B9D2: variants seen among roughly 807,000 people sequenced by gnomAD.
B9D2 encodes the protein B9 domain containing 2, also known as B9 domain-containing protein 2.
In B9D2, 21 loss-of-function variants were observed where a neutral mutation model predicts 19.2. That is an observed-to-expected ratio of 1.09 (90% CI 0.78 to 1.58). The LOEUF is 1.58. Ranked by LOEUF, B9D2 falls within the 40% of genes most tolerant of loss-of-function variation. The pLI, the probability that B9D2 is intolerant of heterozygous loss-of-function variation, is 0.00. For synonymous variants in B9D2, 91 were observed against 100.6 expected (o/e 0.90, Z 0.57); for missense variants, 221 against 244.3 (o/e 0.90, Z 0.64).
rs1187085035 is a variant in B9D2 at position 41,354,810 on chromosome 19, TG to T, written c.417del (p.Ile140SerfsTer72). 6.2e-7 allele frequency: 1 copy of T among 1,613,934 alleles called. No homozygotes were observed. The highest frequency in any genetic ancestry group is 2.2e-5 in the East Asian group (1 of 44,896). On this transcript the variant is annotated frameshift_variant, in exon 4 of 4. Transcript: ENST00000243578. LOFTEE classifies it high-confidence loss of function. ...GGGPQLLHGD[T>X]IYSGADRYRL... ...CGATAGCGGTCGGCCCCACTGTAGA[TG>T]GTGTCCCCATGCAGCAGCTGCGGCC... is the stretch of plus-strand genomic sequence containing the variant.
At chr19:41,362,169 G>A (rs1275874095) in intron 2 of B9D2, among the ~76,000 whole-genome samples, 1 of 149,820 alleles carries the variant, frequency 6.7e-6, no homozygotes. Context: ...AGATCACAAG[G>A]TCAGGAGATC....
Position 41,354,525 on chromosome 19 carries a change from G to A in B9D2, c.*175C>T. On this transcript the variant is annotated 3_prime_UTR_variant, in exon 4 of 4. Coordinates refer to ENST00000243578, the MANE Select transcript of B9D2 (RefSeq NM_030578.4). The stretch of plus-strand genomic sequence containing the variant: ...ATTTACTGTCCCCAATTTACAGATA[G>A]GGAAACTGGGCCCAGAGGGACCCCG... 1.2e-6 allele frequency: 1 copy of A among 800,252 alleles called. No individual in the cohort carries two copies. Among genetic ancestry groups the A allele is most frequent in the Non-Finnish European group, 2.0e-6 (1 of 492,210 alleles). The allele number at this position is 800,252 out of a possible 1,614,324, so 49.6% of individuals were successfully genotyped here. A position where few individuals can be genotyped will look rare whatever the true frequency, so the allele number is the denominator to read the frequency against.
intron 2 of B9D2, among the ~76,000 whole-genome samples, chr19:41,359,657 G>GGTC (rs1364850956): frequency 6.6e-6 from 1 of 151,552 alleles, no homozygotes; most frequent in Admixed American, 6.6e-5. Context: ...GAGCCAAGAT[G>GGTC]GTCCCATTGC....
At chr19:41,356,256 G>A (rs1197086463) in intron 3 of B9D2, among the ~76,000 whole-genome samples, 1 of 152,190 alleles carries the variant, frequency 6.6e-6, no homozygotes, top group Non-Finnish European at 1.5e-5. Flanking sequence ...GGGGACTCCA[G>A]AGACAAGATT....
chr19:41,360,331 A>G (rs2038384053), intron 2 of B9D2, among the ~76,000 whole-genome samples: 1 of 152,028 alleles, frequency 6.6e-6, no homozygotes, highest in Non-Finnish European at 1.5e-5. Flanking sequence ...ACACAGCACT[A>G]TGCTTTGCTA....
intron 3 of B9D2, among the ~76,000 whole-genome samples, chr19:41,357,047 C>T (rs532863553): frequency 6.6e-5 from 10 of 152,250 alleles, no homozygotes; most frequent in South Asian, 6.2e-4. Context: ...GAGTCTTCCA[C>T]GTAGCTCCCT....
At chr19:41,359,039 G>C (rs1255846734) in intron 2 of B9D2, among the ~76,000 whole-genome samples, 1 of 151,972 alleles carries the variant, frequency 6.6e-6, no homozygotes, top group Non-Finnish European at 1.5e-5. Context: ...CAGGTACTCG[G>C]GAGGCTGAGG....
intron 2 of B9D2, among the ~76,000 whole-genome samples, chr19:41,359,145 A>C (rs555021680): frequency 1.3e-5 from 2 of 150,780 alleles, no homozygotes; most frequent in South Asian, 4.2e-4. Context: ...AAAATGAACA[A>C]ACAAGCCAGG....
Position 41,354,662 on chromosome 19 carries a change from CG to C in B9D2, c.*37del, listed in dbSNP as rs778920282. The C allele has an allele frequency of 1.9e-6, 3 of 1,611,010 alleles. No homozygotes were observed. The highest frequency in any genetic ancestry group is 2.5e-6 in the Non-Finnish European group (3 of 1,177,496). ...CCATCCTCCCCCATCACTGGGTGTC[CG>C]GGGTGTGGATGGTGGTGACGTTGGA... On this transcript the variant is annotated 3_prime_UTR_variant, in exon 4 of 4. Coordinates refer to ENST00000243578, the MANE Select transcript of B9D2 (RefSeq NM_030578.4).
At chr19:41,355,683 C>A (rs953126242) in intron 3 of B9D2, among the ~76,000 whole-genome samples, 1 of 152,182 alleles carries the variant, frequency 6.6e-6, no homozygotes, top group African/African-American at 2.4e-5. Flanking sequence ...CAGACATGAA[C>A]ATGGATGGCA....
Position 41,354,828 on chromosome 19 carries a change from G to C in B9D2, c.400C>G (p.Leu134Val). 1 of 1,614,002 alleles carries C rather than the reference G, an allele frequency of 6.2e-7. No individual in the cohort carries two copies. Among genetic ancestry groups the C allele is most frequent in the Middle Eastern group, 1.6e-4 (1 of 6,062 alleles). Residue 134 changes from leucine (L) to valine (V), a missense_variant, in exon 4 of 4, where the codon CTG becomes GTG. Coordinates refer to ENST00000243578, the MANE Select transcript of B9D2 (RefSeq NM_030578.4). The stretch of plus-strand genomic sequence containing the variant: ...CTGTAGATGGTGTCCCCATGCAGCA[G>C]CTGCGGCCCACCACCCACGAAAGCC... ...ARAFVGGGPQ[L>V]LHGDTIYSGA...
intron 2 of B9D2, chr19:41,361,193 C>T (rs2038397809): frequency 6.6e-6 from 1 of 152,278 alleles, no homozygotes. Flanking sequence ...ATCAACATCC[C>T]CAGCAACTCC....
chr19:41,360,925 A>C (rs1473070427), intron 2 of B9D2: 1 of 152,222 alleles, frequency 6.6e-6, no homozygotes, highest in Non-Finnish European at 1.5e-5. Flanking sequence ...TGCTCAATAA[A>C]TGTTTCTTGG....
chr19:41,359,201 C>T (rs960033331), intron 2 of B9D2, among the ~76,000 whole-genome samples: 9 of 151,802 alleles, frequency 5.9e-5, no homozygotes, highest in South Asian at 2.1e-4. Context: ...GAGGCTGAGG[C>T]GGGCTGATCA....
intron 2 of B9D2, among the ~76,000 whole-genome samples, chr19:41,360,418 C>T (rs1311766525): frequency 1.3e-5 from 2 of 152,156 alleles, no homozygotes; most frequent in East Asian, 3.8e-4. Flanking sequence ...CTCAAGTGAT[C>T]CTCCTGCTCC....
At chr19:41,358,227 C>G (rs748270173) in intron 2 of B9D2, among the ~76,000 whole-genome samples, 1 of 152,204 alleles carries the variant, frequency 6.6e-6, no homozygotes, top group Non-Finnish European at 1.5e-5. Flanking sequence ...CTGCCTTGGT[C>G]TCCCCATCTA....
intron 2 of B9D2, among the ~76,000 whole-genome samples, chr19:41,362,078 CA>C (rs940435937): frequency 0.12 from 5,756 of 46,066 alleles, 63 homozygotes; most frequent in Non-Finnish European, 0.14. Flanking sequence ...GACTCTGTCT[CA>C]AAAAAAAAAA....
chr19:41,354,559 G>A lies in B9D2; in HGVS notation c.*141C>T. ...GGCCCAGAGGGACCCCGAGGTCCTA[G>A]AAAGGACAGAAGCGGTGCCATGCCT... is the stretch of plus-strand genomic sequence containing the variant. On this transcript the variant is annotated 3_prime_UTR_variant, in exon 4 of 4. Coordinates refer to ENST00000243578, the MANE Select transcript of B9D2 (RefSeq NM_030578.4). 1 of 1,155,142 alleles carries A rather than the reference G, an allele frequency of 8.7e-7. No homozygotes were observed. Among genetic ancestry groups the A allele is most frequent in the Non-Finnish European group, 1.3e-6 (1 of 796,750 alleles). The allele number at this position is 1,155,142 out of a possible 1,614,324, so 71.6% of individuals were successfully genotyped here.
intron 2 of B9D2, among the ~76,000 whole-genome samples, chr19:41,359,305 A>T (rs540761065): frequency 6.6e-6 from 1 of 152,004 alleles, no homozygotes; most frequent in Non-Finnish European, 1.5e-5. Context: ...AGTGGCTCAC[A>T]TCTGTAATCC....
Sources: allele counts gnomAD v4.1 joint callset (sites outside exome capture counted in the v4.1 genomes callset), GRCh38; gene constraint gnomAD v4.1.1; transcripts MANE v1.5; gene names NCBI Gene and HGNC (gene_info 2026-07-23, HGNC 2026-07-21).